The following PPP1R12B variants were observed in gnomAD, a reference collection of about 807,000 sequenced individuals.
The protein encoded by PPP1R12B is myosin phosphatase target subunit 2.
Under a neutral mutation model 126.1 loss-of-function variants are expected in PPP1R12B, and 76 were observed. The ratio of observed to expected loss-of-function variants is 0.60; its 90% confidence interval spans 0.50 to 0.73. The LOEUF is 0.73. Ranked by LOEUF, PPP1R12B falls within the 30% of genes least tolerant of loss-of-function variation. PPP1R12B has a pLI of 0.00. For synonymous variants in PPP1R12B, 356 were observed against 434.7 expected, an observed-to-expected ratio of 0.82 and a Z score of 2.25; for missense variants, 1,052 against 1,205.1, an observed-to-expected ratio of 0.87 and a Z score of 1.88.
At chr1:202,407,719 C>A (rs1282516333) in intron 1 of PPP1R12B, among the ~76,000 whole-genome samples, 1 of 152,064 alleles carries the variant, frequency 6.6e-6, no homozygotes, top group African/African-American at 2.4e-5. Context: ...CTGGATCAGT[C>A]AATCTTAACT....
intron 18 of PPP1R12B, among the ~76,000 whole-genome samples, chr1:202,499,265 T>TC (rs1012596905): frequency 4.6e-5 from 7 of 152,196 alleles, no homozygotes; most frequent in Non-Finnish European, 1.0e-4. Context: ...ATATTTAATT[T>TC]TTTTTTTGAG....
At chr1:202,532,950 AC>A (rs997079675) in intron 18 of PPP1R12B, among the ~76,000 whole-genome samples, 1 of 142,112 alleles carries the variant, frequency 7.0e-6, no homozygotes, top group African/African-American at 2.7e-5. Context: ...GCTCACCCCA[AC>A]CTCTGCTTCC....
chr1:202,432,108 A>G (rs1315835606), intron 8 of PPP1R12B, among the ~76,000 whole-genome samples: 1 of 152,216 alleles, frequency 6.6e-6, no homozygotes, highest in Non-Finnish European at 1.5e-5. Flanking sequence ...TTAGGGTCAA[A>G]CCAACTGGTG....
chr1:202,376,436 G>C (rs1482989561), intron 1 of PPP1R12B, among the ~76,000 whole-genome samples: 1 of 152,182 alleles, frequency 6.6e-6, no homozygotes, highest in Non-Finnish European at 1.5e-5. Flanking sequence ...CTTGGATGTT[G>C]AAAGTTCTTG....
intron 18 of PPP1R12B, 184 bp from the exon 19 acceptor site, chr1:202,558,693 G>T: frequency 1.9e-6 from 1 of 521,978 alleles, no homozygotes; most frequent in Non-Finnish European, 3.4e-6. Context: ...CTAGGGCTAA[G>T]TCACCTTTGT....
intron 13 of PPP1R12B, among the ~76,000 whole-genome samples, chr1:202,470,297 T>A (rs2148787787): frequency 6.6e-6 from 1 of 152,354 alleles, no homozygotes; most frequent in Non-Finnish European, 1.5e-5. Context: ...TAGCATATAC[T>A]GAGGAGTACC....
At chr1:202,354,081 T>G (rs1571526259) in intron 1 of PPP1R12B, among the ~76,000 whole-genome samples, 1 of 152,342 alleles carries the variant, frequency 6.6e-6, no homozygotes, top group African/African-American at 2.4e-5. Flanking sequence ...AACATAAAAC[T>G]AAGTAGTTTA....
chr1:202,504,971 G>A lies in PPP1R12B; in HGVS notation c.2490+8149G>A, dbSNP rs372307305. Among the ~76,000 whole-genome samples the A allele has an allele frequency of 5.9e-5, 9 of 152,270 alleles. No homozygotes were observed. In the East Asian group the frequency reaches 1.7e-3, roughly 29 times the overall value. On this transcript the variant is annotated intron_variant, in intron 18 of 23. Coordinates refer to ENST00000608999, the MANE Select transcript of PPP1R12B (RefSeq NM_002481.4). ...AGTTCCTACATCTGGATGAGAGTAA[G>A]GCTTTCGGAATACTTTTATTGGCCT... is the stretch of plus-strand genomic sequence containing the variant.
At chr1:202,480,986 G>GT in intron 13 of PPP1R12B, among the ~76,000 whole-genome samples, 1 of 152,284 alleles carries the variant, frequency 6.6e-6, no homozygotes, top group South Asian at 2.1e-4. Flanking sequence ...GGCATGGGGT[G>GT]TGGGGGGCAG....
chr1:202,458,348 G>A lies in PPP1R12B; in HGVS notation c.1850+9177G>A, dbSNP rs12240112. Reference sequence around the variant, plus strand: ...CTCTGGGGAATGGGGAGAGTGGGACGTGGGAGTGGTTAGGGAATTTGCAGC... The same window carrying A: ...CTCTGGGGAATGGGGAGAGTGGGACATGGGAGTGGTTAGGGAATTTGCAGC... On this transcript the variant is annotated intron_variant, in intron 13 of 23. Transcript: ENST00000608999. Among the ~76,000 whole-genome samples, 144 of 101,862 alleles carry A rather than the reference G, an allele frequency of 1.4e-3. 5 individuals are homozygous for A. In the Middle Eastern group the frequency reaches 0.02, roughly 14 times the overall value. 66.8% of individuals were successfully genotyped at this position (101,862 alleles called of 152,430 possible).
At chr1:202,496,635 A>G in intron 17 of PPP1R12B, 146 bp from the exon 18 acceptor site, 2 of 633,538 alleles carry the variant, frequency 3.2e-6, no homozygotes, top group Non-Finnish European at 2.7e-6. Context: ...TGTGAAAAGT[A>G]GCAGTAACAG....
chr1:202,393,375 A>G (rs1321574331), intron 1 of PPP1R12B, among the ~76,000 whole-genome samples: 1 of 152,142 alleles, frequency 6.6e-6, no homozygotes, highest in Non-Finnish European at 1.5e-5. Flanking sequence ...AATTAGCAAA[A>G]CGCAAATCGA....
intron 8 of PPP1R12B, among the ~76,000 whole-genome samples, chr1:202,433,336 T>C (rs1670411871): frequency 6.6e-6 from 1 of 152,222 alleles, no homozygotes; most frequent in Admixed American, 6.5e-5. Context: ...CTTTGTGATT[T>C]GTACCCTTGC....
At chr1:202,382,490 CAAAA>C (rs753837011) in intron 1 of PPP1R12B, among the ~76,000 whole-genome samples, 2 of 122,776 alleles carry the variant, frequency 1.6e-5, no homozygotes, top group African/African-American at 3.0e-5. Flanking sequence ...AATAAAAAGG[CAAAA>C]AAAAAAAAGA....
chr1:202,567,497 G>C (rs548064021), intron 21 of PPP1R12B: 1 of 410,816 alleles, frequency 2.4e-6, no homozygotes, highest in East Asian at 4.0e-5. Flanking sequence ...GAGAGAGAGA[G>C]AGAGAGAGAG....
At chr1:202,541,781 C>T (rs1486049100) in intron 18 of PPP1R12B, among the ~76,000 whole-genome samples, 4 of 152,134 alleles carry the variant, frequency 2.6e-5, no homozygotes, top group Non-Finnish European at 4.4e-5. Flanking sequence ...GTACTGCTTT[C>T]GTCTTGTCTC....
chr1:202,486,749 A>T (rs1401653197), intron 13 of PPP1R12B, among the ~76,000 whole-genome samples: 1 of 152,246 alleles, frequency 6.6e-6, no homozygotes, highest in African/African-American at 2.4e-5. Flanking sequence ...TCAAGGCTAC[A>T]GTCAGCTGTG....
intron 1 of PPP1R12B, among the ~76,000 whole-genome samples, chr1:202,395,083 C>T (rs1038475802): frequency 1.4e-5 from 2 of 138,084 alleles, no homozygotes; most frequent in Non-Finnish European, 3.0e-5. Flanking sequence ...TGCCACTGCG[C>T]TCCAGCCTGG....
intron 10 of PPP1R12B, chr1:202,438,864 T>C: frequency 8.1e-7 from 1 of 1,237,794 alleles, no homozygotes; most frequent in South Asian, 1.2e-5. Context: ...CTCCATCTAC[T>C]GCTATAGCCC....
Sources: gnomAD v4.1 joint callset for allele counts (sites outside exome capture counted in the v4.1 genomes callset) on GRCh38, gnomAD v4.1.1 for gene constraint, MANE v1.5 for transcripts, NCBI Gene and HGNC (gene_info 2026-07-23, HGNC 2026-07-21) for gene names.